LZTFL1: variants seen among roughly 807,000 people sequenced by gnomAD.
LZTFL1 encodes the protein leucine zipper transcription factor like 1.
A neutral mutation model predicts 45.9 loss-of-function variants in LZTFL1; 25 were observed. The observed-to-expected ratio is 0.54, with a 90% CI of 0.40 to 0.76. The LOEUF is 0.76. LZTFL1 is among the 30% of genes least tolerant of loss of function. The pLI is 0.00. For synonymous variants in LZTFL1, 93 were observed against 117.4 expected (o/e 0.79, Z 1.35); for missense variants, 277 against 331.1 (o/e 0.84, Z 1.27).
intron 2 of LZTFL1, among the ~76,000 whole-genome samples, chr3:45,871,451 C>G (rs189646285): frequency 6.6e-6 from 1 of 152,122 alleles, no homozygotes; most frequent in Non-Finnish European, 1.5e-5. Context: ...AGATAGAGCA[C>G]CTTTTCATAT....
At chr3:45,830,307 G>C (rs1317561977) in intron 7 of LZTFL1, among the ~76,000 whole-genome samples, 1 of 152,232 alleles carries the variant, frequency 6.6e-6, no homozygotes, top group Non-Finnish European at 1.5e-5. Flanking sequence ...GTCCACAGGA[G>C]ACAGACTGTA....
chr3:45,890,350 C>CTT (rs1559421661), intron 2 of LZTFL1, among the ~76,000 whole-genome samples: 22 of 23,048 alleles, frequency 9.5e-4, no homozygotes, highest in South Asian at 2.9e-3. Flanking sequence ...ATATATATAA[C>CTT]ATATATATAT....
intron 2 of LZTFL1, among the ~76,000 whole-genome samples, chr3:45,879,415 G>A (rs966564048): frequency 6.6e-6 from 1 of 152,206 alleles, no homozygotes; most frequent in Non-Finnish European, 1.5e-5. Flanking sequence ...ATCTGAAAAG[G>A]CTATATACTG....
At chr3:45,895,441 T>C (rs1282893136) in intron 2 of LZTFL1, among the ~76,000 whole-genome samples, 1 of 152,218 alleles carries the variant, frequency 6.6e-6, no homozygotes, top group African/African-American at 2.4e-5. Context: ...CTGGGCGTGG[T>C]AGCTCACGCC....
chr3:45,839,965 C>A (rs145025712), intron 1 of LZTFL1, among the ~76,000 whole-genome samples: 2 of 152,260 alleles, frequency 1.3e-5, no homozygotes, highest in East Asian at 3.9e-4. Context: ...TCTTTGGTAC[C>A]GTCACAGGCT....
At chr3:45,858,651 A>G (rs1276401619) in intron 3 of LZTFL1, among the ~76,000 whole-genome samples, 1 of 152,254 alleles carries the variant, frequency 6.6e-6, no homozygotes, top group Non-Finnish European at 1.5e-5. Flanking sequence ...ATAAGAAGCT[A>G]TAGACACAAC....
At chr3:45,915,610 C>T (rs547554832) in exon 1 of LZTFL1, 2 of 422,478 alleles carry the variant, frequency 4.7e-6, no homozygotes, top group South Asian at 3.3e-5. Context: ...GGTAAGGACA[C>T]TCATGCATCT....
intron 2 of LZTFL1, among the ~76,000 whole-genome samples, chr3:45,880,820 T>A (rs1419561493): frequency 6.6e-6 from 1 of 152,068 alleles, no homozygotes; most frequent in Non-Finnish European, 1.5e-5. Context: ...GACCATCCAG[T>A]GTGAGGGCCC....
intron 2 of LZTFL1, among the ~76,000 whole-genome samples, chr3:45,873,295 G>T (rs1013715497): frequency 2.6e-5 from 4 of 152,178 alleles, no homozygotes; most frequent in African/African-American, 9.6e-5. Context: ...TGCTCTATGG[G>T]CCATGCATTG....
chr3:45,855,046 T>C, exon 4 of LZTFL1: 1 of 1,534,208 alleles, frequency 6.5e-7, no homozygotes, highest in Non-Finnish European at 8.7e-7. Flanking sequence ...GTGGGTAGGG[T>C]ACAACTTGAT....
At chr3:45,836,617 C>T (rs1700974300) in intron 2 of LZTFL1, among the ~76,000 whole-genome samples, 1 of 151,994 alleles carries the variant, frequency 6.6e-6, no homozygotes, top group Non-Finnish European at 1.5e-5. Context: ...ATCATGCCAC[C>T]GCACTCCAGC....
chr3:45,843,495 A>C (rs1156666955), upstream of LZTFL1, among the ~76,000 whole-genome samples: 1 of 152,214 alleles, frequency 6.6e-6, no homozygotes. Context: ...ATCAGCTTGC[A>C]CTGCTGAAAA....
chr3:45,882,655 T>C (rs1182865038), intron 2 of LZTFL1, among the ~76,000 whole-genome samples: 1 of 152,164 alleles, frequency 6.6e-6, no homozygotes, highest in Non-Finnish European at 1.5e-5. Flanking sequence ...GCACTCCTGT[T>C]GGCCCCTGCA....
At chr3:45,864,176 T>C (rs1431059475) in intron 2 of LZTFL1, among the ~76,000 whole-genome samples, 3 of 152,170 alleles carry the variant, frequency 2.0e-5, no homozygotes, top group African/African-American at 2.4e-5. Context: ...TAATTATAAA[T>C]TGCTATCAAA....
chr3:45,894,614 A>T (rs2125749849), intron 2 of LZTFL1, among the ~76,000 whole-genome samples: 1 of 152,328 alleles, frequency 6.6e-6, no homozygotes, highest in South Asian at 2.1e-4. Context: ...TCATTTGTGG[A>T]TGGGAGATGT....
chr3:45,833,840 A>C lies in LZTFL1; in HGVS notation c.384+398T>G, dbSNP rs577666722. 7.9e-5 allele frequency among the ~76,000 whole-genome samples: 12 copies of C among 152,304 alleles called. No homozygotes were observed. The East Asian group carries it at 2.3e-3, about 29-fold the overall frequency. On this transcript the variant is annotated intron_variant, in intron 4 of 9. Transcript: ENST00000296135. The stretch of plus-strand genomic sequence containing the variant: ...GTAGATAACTACTAGTATTGTCTCC[A>C]TTTGTCAGATGAGTAAAATGAAGCT...
intron 4 of LZTFL1, among the ~76,000 whole-genome samples, chr3:45,850,073 C>T (rs1411859229): frequency 6.6e-6 from 1 of 152,146 alleles, no homozygotes; most frequent in Non-Finnish European, 1.5e-5. Flanking sequence ...GTATTTGTTA[C>T]TTAGAATTTA....
At chr3:45,874,684 G>T (rs986305797) in intron 2 of LZTFL1, among the ~76,000 whole-genome samples, 7 of 152,128 alleles carry the variant, frequency 4.6e-5, no homozygotes, top group African/African-American at 1.7e-4. Flanking sequence ...GGACTTTGTA[G>T]TTCTTCCCAT....
intron 4 of LZTFL1, 76 bp from the exon 5 acceptor site, chr3:45,833,197 G>T: frequency 1.0e-6 from 1 of 973,756 alleles, no homozygotes; most frequent in Non-Finnish European, 1.7e-6. Context: ...CTTGCACTTT[G>T]CAAGTGGAAG....
Sources: gnomAD v4.1 joint callset for allele counts (sites outside exome capture counted in the v4.1 genomes callset) on GRCh38, gnomAD v4.1.1 for gene constraint, MANE v1.5 for transcripts, NCBI Gene and HGNC (gene_info 2026-07-23, HGNC 2026-07-21) for gene names.